FMNL2: variants seen among roughly 807,000 people sequenced by gnomAD.
The protein encoded by FMNL2 is formin-like protein 2.
Under a neutral mutation model 130.2 loss-of-function variants are expected in FMNL2, and 51 were observed. That is an observed-to-expected ratio of 0.39 (90% CI 0.31 to 0.49). FMNL2 has a LOEUF of 0.49. Ranked by LOEUF, FMNL2 falls within the 20% of genes least tolerant of loss-of-function variation. FMNL2 has a pLI of 0.85. For missense variants in FMNL2, 977 were observed against 1,316.2 expected (o/e 0.74, Z 3.99); for synonymous variants, 465 against 467.1 (o/e 1.00, Z 0.06).
intron 1 of FMNL2, among the ~76,000 whole-genome samples, chr2:152,338,820 T>TACACACACACACACACACACAC (rs58367779): frequency 9.6e-4 from 143 of 148,958 alleles, no homozygotes; most frequent in African/African-American, 2.1e-3. Flanking sequence ...GAAGGTGAGA[T>TACACACACACACACACACACAC]ACACACACAC....
At chr2:152,614,830 C>T (rs751090688) in intron 11 of FMNL2, 21 bp from the exon 12 acceptor site, 1 of 1,582,130 alleles carries the variant, frequency 6.3e-7, no homozygotes, top group Admixed American at 2.0e-5. Flanking sequence ...ACACCACGTT[C>T]TCTCCTATTC....
rs1011301902 is a variant in FMNL2, at chr2:152,409,868, A to G, written c.117+74148A>G. Among the ~76,000 whole-genome samples, 11 of 152,168 alleles carry G rather than the reference A, an allele frequency of 7.2e-5. No individual in the cohort carries two copies. The East Asian group carries it at 2.1e-3, about 29-fold the overall frequency. On this transcript the variant is annotated intron_variant, in intron 1 of 25. Coordinates refer to ENST00000288670, the MANE Select transcript of FMNL2 (RefSeq NM_052905.4). ...ATTTGTAACCATGATGCAATACTGC[A>G]CCTGGTGGATGTAGTCAGGGTTATC...
chr2:152,503,392 A>G (rs1206932169), intron 1 of FMNL2, among the ~76,000 whole-genome samples: 2 of 152,150 alleles, frequency 1.3e-5, no homozygotes, highest in Non-Finnish European at 2.9e-5. Context: ...CAGGGTGATC[A>G]GATACCATCT....
rs1466267138 is a variant in FMNL2 at position 152,639,393 on chromosome 2, AAAAG to A, written c.2947-559_2947-556del. Among the ~76,000 whole-genome samples the A allele has an allele frequency of 4.6e-5, 7 of 152,230 alleles. No individual in the cohort carries two copies. In the East Asian group the frequency reaches 1.2e-3, roughly 25 times the overall value. The stretch of plus-strand genomic sequence containing the variant: ...AGGTCTCTTCGGGGAGGCCGGCTTC[AAAAG>A]AAAGAGTGCCCAAGAGGGCTGAGCT... On this transcript the variant is annotated intron_variant, in intron 23 of 25. Coordinates refer to ENST00000288670, the MANE Select transcript of FMNL2 (RefSeq NM_052905.4).
chr2:152,338,818 GATACACACAC>G (rs1489645072), intron 1 of FMNL2, among the ~76,000 whole-genome samples: 2 of 60,320 alleles, frequency 3.3e-5, no homozygotes, highest in Non-Finnish European at 1.0e-4. Context: ...TGGAAGGTGA[GATACACACAC>G]ACACACACAC....
chr2:152,536,166 C>T (rs2577184), intron 2 of FMNL2, among the ~76,000 whole-genome samples: 75,771 of 152,184 alleles, frequency 0.5, 19,628 homozygotes, highest in East Asian at 0.92. Context: ...CCCTGCACCA[C>T]GCAGGTGCAC....
chr2:152,559,996 G>A (rs1695435517), intron 5 of FMNL2, among the ~76,000 whole-genome samples: 1 of 152,074 alleles, frequency 6.6e-6, no homozygotes, highest in Admixed American at 6.5e-5. Context: ...TATTTTGGCA[G>A]TTATACTTTT....
rs1696748841 is a variant in FMNL2, at chr2:152,581,034, T to A, written c.861T>A (p.Phe287Leu). 1.2e-6 allele frequency: 2 copies of A among 1,613,780 alleles called. No homozygotes were observed. Among genetic ancestry groups the A allele is most frequent in the Non-Finnish European group, 8.5e-7 (1 of 1,179,842 alleles). Residue 287 changes from phenylalanine to leucine, a missense_variant, in exon 9 of 26, where the codon TTT (phenylalanine) becomes TTA (leucine). Phe to Leu is a conservative substitution (Grantham distance 22). Transcript: ENST00000288670. ...GGCATGAAATCATTTTATCAGCATT[T>A]GATAACTTTAAAGAGGTAGGCTACA... ...RGGHEIILSA[F>L]DNFKEVCGEK...
chr2:152,472,527 G>A (rs1689916617), intron 1 of FMNL2, among the ~76,000 whole-genome samples: 1 of 152,180 alleles, frequency 6.6e-6, no homozygotes, highest in Non-Finnish European at 1.5e-5. Context: ...AGTTGTGTTT[G>A]AGTACAAACA....
At position 152,578,921 on chromosome 2, in the gene FMNL2, G is replaced by T. The variant is rs760942899; in HGVS notation, c.739G>T (p.Ala247Ser). Residue 247 changes from alanine (A) to serine (S), a missense_variant, in exon 8 of 26, where the codon GCT becomes TCT. Around this residue, in one of 4 missense-constraint regions of FMNL2, gnomAD observed 689 missense variants for 995.9 expected, o/e 0.69. Coordinates refer to ENST00000288670, the MANE Select transcript of FMNL2 (RefSeq NM_052905.4). Reference protein sequence around the residue: ...GFNMVMSHPHAVNEIALSLNN... With the variant: ...GFNMVMSHPHSVNEIALSLNN... Reference sequence around the variant, plus strand: ...CAACATGGTCATGTCTCATCCACACGCTGTCAATGAGATTGCACTAAGCCT... The same window carrying T: ...CAACATGGTCATGTCTCATCCACACTCTGTCAATGAGATTGCACTAAGCCT... 5 of 1,612,810 alleles carry T rather than the reference G, an allele frequency of 3.1e-6. No individual in the cohort carries two copies. Among genetic ancestry groups the T allele is most frequent in the African/African-American group, 1.3e-5 (1 of 74,724 alleles).
chr2:152,597,193 A>T (rs1210340920), intron 9 of FMNL2, among the ~76,000 whole-genome samples: 1 of 152,026 alleles, frequency 6.6e-6, no homozygotes, highest in Non-Finnish European at 1.5e-5. Context: ...TGTTTGCTTA[A>T]TTTTTATCAT....
At chr2:152,449,735 C>G (rs1688530127) in intron 1 of FMNL2, among the ~76,000 whole-genome samples, 1 of 151,970 alleles carries the variant, frequency 6.6e-6, no homozygotes, top group South Asian at 2.1e-4. Flanking sequence ...AGACAGTCGT[C>G]AAAAAAATCC....
At chr2:152,450,749 G>A (rs1033648117) in intron 1 of FMNL2, among the ~76,000 whole-genome samples, 6 of 152,168 alleles carry the variant, frequency 3.9e-5, no homozygotes, top group African/African-American at 1.4e-4. Flanking sequence ...AGTCTCCTCT[G>A]CCTGACTTCA....
intron 1 of FMNL2, among the ~76,000 whole-genome samples, chr2:152,354,497 C>G (rs180700250): frequency 6.6e-5 from 10 of 152,194 alleles, no homozygotes; most frequent in Admixed American, 4.6e-4. Flanking sequence ...CCAGTAAACC[C>G]CTGCGTTATT....
intron 1 of FMNL2, among the ~76,000 whole-genome samples, chr2:152,375,685 G>A (rs1003725491): frequency 4.0e-5 from 6 of 151,826 alleles, no homozygotes; most frequent in Non-Finnish European, 5.9e-5. Flanking sequence ...GCTGAATTTA[G>A]GGAAGACTCC....
intron 1 of FMNL2, among the ~76,000 whole-genome samples, chr2:152,435,359 C>T (rs952888359): frequency 7.2e-5 from 11 of 152,142 alleles, no homozygotes; most frequent in African/African-American, 2.4e-4. Context: ...ATGTAAAAAT[C>T]ATTCAGAAAA....
At chr2:152,573,594 A>G (rs549257987) in intron 6 of FMNL2, among the ~76,000 whole-genome samples, 46 of 152,322 alleles carry the variant, frequency 3.0e-4, no homozygotes, top group Non-Finnish European at 5.4e-4. Flanking sequence ...CTTCAGTGCT[A>G]TGATTTTGTT....
intron 11 of FMNL2, among the ~76,000 whole-genome samples, chr2:152,611,956 G>A (rs1430289182): frequency 2.6e-5 from 4 of 152,168 alleles, no homozygotes; most frequent in Middle Eastern, 3.4e-3. Flanking sequence ...TGGTTACTCC[G>A]GGGACCCCAT....
In FMNL2 at chr2:152,389,337, G is replaced by C. The variant is rs1684966962; in HGVS notation, c.117+53617G>C. ...TGCTGTATCTTCATATAGCAGAAAG[G>C]ATAAGTAAGCTCTCTGGGACCTCTT... On this transcript the variant is annotated intron_variant, in intron 1 of 25. Transcript: ENST00000288670. Among the ~76,000 whole-genome samples the C allele has an allele frequency of 2.6e-5, 4 of 152,298 alleles. No individual in the cohort carries two copies. In the South Asian group the frequency reaches 8.3e-4, roughly 32 times the overall value.
Sources: gnomAD v4.1 joint callset for allele counts (sites outside exome capture counted in the v4.1 genomes callset) on GRCh38, gnomAD v4.1.1 for gene constraint, gnomAD v4.1.1 regional missense constraint, MANE v1.5 for transcripts, NCBI Gene and HGNC (gene_info 2026-07-23, HGNC 2026-07-21) for gene names.